Variants in OSGIN2 observed in about 807,000 individuals in gnomAD.
OSGIN2 encodes oxidative stress-induced growth inhibitor 2.
In OSGIN2, 19 loss-of-function variants were observed where a neutral mutation model predicts 53.8. The observed-to-expected ratio is 0.35, with a 90% CI of 0.25 to 0.52. The LOEUF (loss-of-function observed/expected upper bound fraction) is 0.52. OSGIN2 is among the 20% of genes least tolerant of loss of function. OSGIN2 has a pLI of 0.95. For synonymous variants in OSGIN2, 236 were observed against 236.0 expected, an observed-to-expected ratio of 1.00 and a Z score of 0.00; for missense variants, 520 against 662.7, an observed-to-expected ratio of 0.78 and a Z score of 2.36.
rs530712352 is a variant in OSGIN2, at chr8:89,915,034, ACT to A, written c.528+290_528+291del. 3.3e-3 allele frequency among the ~76,000 whole-genome samples: 496 copies of A among 152,300 alleles called. 3 individuals carry two copies. In the Middle Eastern group the frequency reaches 0.044, roughly 14 times the overall value. Reference sequence around the variant, plus strand: ...ATGTTTTGTATAATAAAAATTTAAAACTCAATTCATTTTAGACTTTACATAAT... The same window carrying A: ...ATGTTTTGTATAATAAAAATTTAAAACAATTCATTTTAGACTTTACATAAT... On this transcript the variant is annotated intron_variant, in intron 4 of 5. Coordinates refer to ENST00000451899, the MANE Select transcript of OSGIN2 (RefSeq NM_001126111.3).
At chr8:89,916,499 T>G (rs1390983258) in intron 4 of OSGIN2, among the ~76,000 whole-genome samples, 2 of 152,200 alleles carry the variant, frequency 1.3e-5, no homozygotes, top group African/African-American at 4.8e-5. Context: ...TTAATCTTAC[T>G]GTGCTTGCCT....
Position 89,909,684 on chromosome 8 carries a change from G to A in OSGIN2, c.162G>A (p.Leu54=). ...CATTAGTTGAAGAAACTTCTTTACT[G>A]GAAGATTCGTCAGTGACTTTTCCTG... ...AMPLVEETSL[L]EDSSVTFPVV... The change falls in exon 2 of 6, where the codon CTG becomes CTA. Residue 54 remains leucine, a synonymous_variant. Transcript: ENST00000451899. The A allele has an allele frequency of 6.2e-7, 1 of 1,609,106 alleles. No individual in the cohort carries two copies. The highest frequency in any genetic ancestry group is 8.5e-7 in the Non-Finnish European group (1 of 1,176,784).
chr8:89,904,709 G>A (rs959590297), intron 1 of OSGIN2, among the ~76,000 whole-genome samples: 10 of 152,050 alleles, frequency 6.6e-5, no homozygotes, highest in Admixed American at 6.5e-4. Flanking sequence ...CCAGCTACTC[G>A]GGAGGTTGAG....
chr8:89,901,966 T>C (rs1049453617), upstream of OSGIN2: 6 of 152,486 alleles, frequency 3.9e-5, no homozygotes, highest in Middle Eastern at 3.4e-3. Context: ...GGATGACCTC[T>C]TCCCGGAAGC....
chr8:89,909,656 T>A lies in OSGIN2; in HGVS notation c.134T>A (p.Met45Lys). 6.2e-7 allele frequency: 1 copy of A among 1,611,454 alleles called. No homozygotes were observed. Among genetic ancestry groups the A allele is most frequent in the Non-Finnish European group, 8.5e-7 (1 of 1,178,128 alleles). ...GDNLGRKVKA[M>K]PLVEETSLLE... ...AACTTGGGGCGAAAAGTTAAAGCGA[T>A]GCCATTAGTTGAAGAAACTTCTTTA... Residue 45 changes from methionine (M) to lysine (K), a missense_variant, in exon 2 of 6, where the codon ATG becomes AAG. By Grantham distance (95) the Met-to-Lys change is moderately conservative (BLOSUM62 -1). Around this residue, in one of 3 missense-constraint regions of OSGIN2, gnomAD observed 203 missense variants for 275.3 expected, o/e 0.74. Transcript: ENST00000451899.
intron 1 of OSGIN2, among the ~76,000 whole-genome samples, chr8:89,903,193 T>C (rs1280655323): frequency 6.6e-6 from 1 of 152,172 alleles, no homozygotes; most frequent in Non-Finnish European, 1.5e-5. Context: ...AAATTATTTC[T>C]TAAAAAGTCT....
intron 2 of OSGIN2, 111 bp from the exon 3 acceptor site, chr8:89,913,966 A>G (rs759840844): frequency 1.4e-4 from 118 of 869,574 alleles, no homozygotes; most frequent in Non-Finnish European, 2.1e-4. Context: ...AAGAGATTAG[A>G]AAAGGAAGAA....
intron 4 of OSGIN2, among the ~76,000 whole-genome samples, chr8:89,920,797 T>C (rs1380470989): frequency 1.3e-5 from 2 of 152,222 alleles, no homozygotes; most frequent in Non-Finnish European, 2.9e-5. Context: ...ACCAAAGTTA[T>C]CAACATTGTG....
chr8:89,915,321 CAG>C (rs1057473370), intron 4 of OSGIN2, among the ~76,000 whole-genome samples: 10 of 152,246 alleles, frequency 6.6e-5, no homozygotes, highest in East Asian at 3.9e-4. Flanking sequence ...CCTCACATAG[CAG>C]AGAGAGAGAA....
chr8:89,906,913 C>A (rs1166999941), intron 1 of OSGIN2, among the ~76,000 whole-genome samples: 1 of 152,208 alleles, frequency 6.6e-6, no homozygotes, highest in Non-Finnish European at 1.5e-5. Flanking sequence ...ATTCCCTTTT[C>A]TCCATAACCT....
At position 89,924,887 on chromosome 8, in the gene OSGIN2, T is replaced by C. The variant is rs764484517; in HGVS notation, c.1005T>C (p.Ala335=). Residue 335 remains alanine, a synonymous_variant, in exon 6 of 6, where the codon GCT becomes GCC. Transcript: ENST00000451899. The part of the protein sequence containing the change: ...VFHSMPEFGA[A]INKGKLRGKV... ...ATTCAATGCCTGAATTTGGAGCTGC[T>C]ATAAACAAAGGAAAGTTGCGTGGCA... The C allele has an allele frequency of 1.2e-6, 2 of 1,614,214 alleles. No individual in the cohort carries two copies. Among genetic ancestry groups the C allele is most frequent in the Non-Finnish European group, 1.7e-6 (2 of 1,180,022 alleles).
In OSGIN2 at chr8:89,917,911, C is replaced by T. The variant is rs187180144; in HGVS notation, c.528+3165C>T. ...CATTTCTTTTATATCTTCAATTTCTCTGCCAGCTTCTATTGGTCGGTATGT... is the reference window on the plus strand; with the variant it reads ...CATTTCTTTTATATCTTCAATTTCTTTGCCAGCTTCTATTGGTCGGTATGT... On this transcript the variant is annotated intron_variant, in intron 4 of 5. Coordinates refer to ENST00000451899, the MANE Select transcript of OSGIN2 (RefSeq NM_001126111.3). Among the ~76,000 whole-genome samples, 6 of 152,284 alleles carry T rather than the reference C, an allele frequency of 3.9e-5. No homozygotes were observed. In the East Asian group the frequency reaches 1.2e-3, roughly 29 times the overall value.
At position 89,914,227 on chromosome 8, in the gene OSGIN2, C is replaced by T. The variant is rs1161044381; in HGVS notation, c.336+14C>T. On this transcript the variant is annotated intron_variant, in intron 3 of 5. Transcript: ENST00000451899. ...ATTGTTGATCAGGTATTATTTCTTACATGTCAATTTAAAAAATTTTTTTAT... is the reference window on the plus strand; with the variant it reads ...ATTGTTGATCAGGTATTATTTCTTATATGTCAATTTAAAAAATTTTTTTAT... 35 of 1,561,968 alleles carry T rather than the reference C, an allele frequency of 2.2e-5. No individual in the cohort carries two copies. Among genetic ancestry groups the T allele is most frequent in the Non-Finnish European group, 3.0e-5 (35 of 1,154,334 alleles).
chr8:89,908,848 A>G (rs1207276379), intron 1 of OSGIN2, among the ~76,000 whole-genome samples: 1 of 151,232 alleles, frequency 6.6e-6, no homozygotes, highest in African/African-American at 2.4e-5. Context: ...ATCTCTACCA[A>G]AAAATATTTT....
intron 1 of OSGIN2, among the ~76,000 whole-genome samples, chr8:89,905,762 A>C (rs1808827096): frequency 6.6e-6 from 1 of 152,244 alleles, no homozygotes; most frequent in Non-Finnish European, 1.5e-5. Flanking sequence ...GAATTTGGAT[A>C]AACTAAACTT....
At position 89,921,105 on chromosome 8, in the gene OSGIN2, T is replaced by C. The variant is rs748187276; in HGVS notation, c.554T>C (p.Ile185Thr). The C allele has an allele frequency of 2.7e-5, 44 of 1,601,354 alleles. No homozygotes were observed. The highest frequency in any genetic ancestry group is 3.4e-5 in the Non-Finnish European group (40 of 1,172,668). The stretch of plus-strand genomic sequence containing the variant: ...AATATGGAAGGCTCCATGTTGACAA[T>C]CAGCTTTGGAAGTTGGATGGAACTA... ...WHNMEGSMLT[I>T]SFGSWMELPG... Residue 185 changes from isoleucine (I) to threonine (T), a missense_variant, in exon 5 of 6, where the codon ATC becomes ACC. Physicochemically the swap from Ile to Thr is moderately conservative, Grantham distance 89. This residue lies in a region of OSGIN2 where 203 missense variants were observed against 275.3 expected (regional missense o/e 0.74). Coordinates refer to ENST00000451899, the MANE Select transcript of OSGIN2 (RefSeq NM_001126111.3).
chr8:89,914,319 C>T (rs1809033872), intron 3 of OSGIN2, 106 bp downstream of exon 3: 1 of 753,942 alleles, frequency 1.3e-6, no homozygotes, highest in African/African-American at 1.8e-5. Flanking sequence ...CTAAATAACA[C>T]CTTATATCAT....
In OSGIN2 at chr8:89,914,061, CT is replaced by C; in HGVS notation, c.200-12del. 1 of 1,606,750 alleles carries C rather than the reference CT, an allele frequency of 6.2e-7. No homozygotes were observed. Among genetic ancestry groups the C allele is most frequent in the Non-Finnish European group, 8.5e-7 (1 of 1,176,414 alleles). ...AGATGCATGACCTACCCCTTTCCACCTTTTATTTTTAATAGGAAATGGACCC... is the reference window on the plus strand; with the variant it reads ...AGATGCATGACCTACCCCTTTCCACCTTTATTTTTAATAGGAAATGGACCC... On this transcript the variant is annotated splice_polypyrimidine_tract_variant and intron_variant, in intron 2 of 5. Coordinates refer to ENST00000451899, the MANE Select transcript of OSGIN2 (RefSeq NM_001126111.3).
At position 89,925,151 on chromosome 8, in the gene OSGIN2, C is replaced by T. The variant is rs1034900115; in HGVS notation, c.1269C>T (p.Pro423=). ...SNLLSDYTSF[P]EHRVLSFKSD... is the part of the protein sequence containing the mutation. Reference sequence around the variant, plus strand: ...TTTTATCTGATTATACCAGCTTTCCCGAGCACCGTGTGCTTTCCTTTAAGT... The same window carrying T: ...TTTTATCTGATTATACCAGCTTTCCTGAGCACCGTGTGCTTTCCTTTAAGT... The change falls in exon 6 of 6, where the codon CCC becomes CCT. Residue 423 remains proline (P), a synonymous_variant. Transcript: ENST00000451899. 3.1e-6 allele frequency: 5 copies of T among 1,614,026 alleles called. No homozygotes were observed. Among genetic ancestry groups the T allele is most frequent in the Middle Eastern group, 1.6e-4 (1 of 6,062 alleles).
Sources: allele counts gnomAD v4.1 joint callset (sites outside exome capture counted in the v4.1 genomes callset), GRCh38; gene constraint gnomAD v4.1.1; regional missense constraint gnomAD v4.1.1; transcripts MANE v1.5; gene names NCBI Gene and HGNC (gene_info 2026-07-23, HGNC 2026-07-21).